DSCAM: variants seen among roughly 807,000 people sequenced by gnomAD.
DSCAM encodes DS cell adhesion molecule, also known as cell adhesion molecule DSCAM.
DSCAM carries 47 observed loss-of-function variants against 217.7 expected under a neutral mutation model. The observed-to-expected ratio is 0.22, with a 90% CI of 0.17 to 0.28. The LOEUF is 0.28. DSCAM is among the 10% of genes least tolerant of loss of function. DSCAM has a pLI of 1.00. For missense variants in DSCAM, 2,080 were observed against 2,618.3 expected (o/e 0.79, Z 4.49); for synonymous variants, 1,056 against 1,015.3 (o/e 1.04, Z -0.76).
chr21:40,196,649 C>A (rs1032372901), intron 11 of DSCAM, among the ~76,000 whole-genome samples: 1 of 151,706 alleles, frequency 6.6e-6, no homozygotes, highest in Non-Finnish European at 1.5e-5. Flanking sequence ...TTTTTCCCTT[C>A]CTTCCTTCTT....
intron 3 of DSCAM, among the ~76,000 whole-genome samples, chr21:40,670,938 C>A (rs1161028033): frequency 6.6e-6 from 1 of 152,160 alleles, no homozygotes; most frequent in African/African-American, 2.4e-5. Context: ...TGTCATATAA[C>A]TTGTACAAGA....
At chr21:40,149,642 TCAC>T (rs2090401800) in intron 16 of DSCAM, among the ~76,000 whole-genome samples, 1 of 144,216 alleles carries the variant, frequency 6.9e-6, no homozygotes, top group Non-Finnish European at 1.5e-5. Context: ...ACCGTCACTA[TCAC>T]CACCACCATC....
At chr21:40,649,816 C>T (rs2089991882) in intron 3 of DSCAM, among the ~76,000 whole-genome samples, 2 of 152,226 alleles carry the variant, frequency 1.3e-5, no homozygotes, top group Non-Finnish European at 1.5e-5. Context: ...GATTGGATGG[C>T]ACCAGCTCCT....
chr21:40,526,956 T>C (rs915872530), intron 3 of DSCAM, among the ~76,000 whole-genome samples: 3 of 152,106 alleles, frequency 2.0e-5, no homozygotes, highest in Admixed American at 2.0e-4. Flanking sequence ...TGGCCTGTGT[T>C]CCTGAGCCCC....
At chr21:40,768,396 C>T (rs969889520) in intron 1 of DSCAM, among the ~76,000 whole-genome samples, 1 of 151,096 alleles carries the variant, frequency 6.6e-6, no homozygotes, top group South Asian at 2.1e-4. Context: ...GTCCTGCATG[C>T]TAATCCAAGT....
At chr21:40,553,099 A>C (rs1161639162) in intron 3 of DSCAM, among the ~76,000 whole-genome samples, 1 of 152,250 alleles carries the variant, frequency 6.6e-6, no homozygotes, top group Non-Finnish European at 1.5e-5. Context: ...ACCGTTTAAC[A>C]ATCAGCTAGG....
intron 1 of DSCAM, among the ~76,000 whole-genome samples, chr21:40,753,437 A>G (rs2091247207): frequency 6.6e-6 from 1 of 152,234 alleles, no homozygotes; most frequent in Non-Finnish European, 1.5e-5. Context: ...GGGAGAAGGG[A>G]GTGAGTAAAT....
At chr21:40,728,990 A>G (rs899003866) in intron 1 of DSCAM, among the ~76,000 whole-genome samples, 6 of 152,214 alleles carry the variant, frequency 3.9e-5, no homozygotes, top group Admixed American at 1.3e-4. Context: ...CTCCACTGAC[A>G]TGGGTCGCTA....
chr21:40,810,992 T>C (rs1355996488), intron 1 of DSCAM, among the ~76,000 whole-genome samples: 1 of 152,350 alleles, frequency 6.6e-6, no homozygotes, highest in Admixed American at 6.5e-5. Flanking sequence ...GATGGGGACA[T>C]TGTATAGGAG....
Position 40,085,754 on chromosome 21 carries a change from G to T in DSCAM, c.3980C>A (p.Pro1327His). ...VKWMKDSNGT[P>H]SLVTIDGRRS... ...CCGCCCATCAATCGTTACTAGACTG[G>T]GTGTCCCGTTACTGCCTCACAGGAA... The change falls in exon 23 of 33, where the codon CCC becomes CAC. Residue 1327 changes from proline to histidine, a missense_variant. This residue lies in a region of DSCAM where 1,144 missense variants were observed against 1,421.1 expected (regional missense o/e 0.81). Transcript: ENST00000400454. The T allele has an allele frequency of 6.6e-7, 1 of 1,512,756 alleles. No homozygotes were observed. Among genetic ancestry groups the T allele is most frequent in the Non-Finnish European group, 9.0e-7 (1 of 1,113,966 alleles). The allele number at this position is 1,512,756 out of a possible 1,614,324, so 93.7% of individuals were successfully genotyped here.
chr21:40,524,052 G>A (rs1471389292), intron 3 of DSCAM, among the ~76,000 whole-genome samples: 4 of 152,032 alleles, frequency 2.6e-5, no homozygotes, highest in African/African-American at 4.8e-5. Flanking sequence ...AAAGAAATTC[G>A]GCTTATAACA....
At chr21:40,341,279 A>G (rs748850476) in intron 6 of DSCAM, among the ~76,000 whole-genome samples, 6 of 152,220 alleles carry the variant, frequency 3.9e-5, no homozygotes. Flanking sequence ...TTCATTGTCC[A>G]TGATCAGTCA....
chr21:40,617,825 A>G (rs1247552064), intron 3 of DSCAM, among the ~76,000 whole-genome samples: 1 of 152,220 alleles, frequency 6.6e-6, no homozygotes, highest in African/African-American at 2.4e-5. Flanking sequence ...ACATCTAGAA[A>G]TAGAGACTCT....
chr21:40,219,571 T>G (rs1195262040), intron 11 of DSCAM, among the ~76,000 whole-genome samples: 1 of 152,234 alleles, frequency 6.6e-6, no homozygotes, highest in East Asian at 1.9e-4. Context: ...TAACTTTTAT[T>G]TCTTTGGTAT....
intron 1 of DSCAM, among the ~76,000 whole-genome samples, chr21:40,717,473 A>G (rs950027353): frequency 6.6e-6 from 1 of 152,262 alleles, no homozygotes; most frequent in Non-Finnish European, 1.5e-5. Context: ...AATGCGGCTT[A>G]GCCTTACAAT....
At chr21:40,376,642 A>C (rs1310419824) in intron 3 of DSCAM, among the ~76,000 whole-genome samples, 2 of 143,750 alleles carry the variant, frequency 1.4e-5, no homozygotes, top group African/African-American at 2.6e-5. Context: ...TATCTTATAT[A>C]GATATCGATA....
At chr21:40,398,910 G>C (rs759452293) in intron 3 of DSCAM, among the ~76,000 whole-genome samples, 1 of 152,142 alleles carries the variant, frequency 6.6e-6, no homozygotes, top group South Asian at 2.1e-4. Flanking sequence ...TCTAAGAAGA[G>C]GCAATATTGT....
intron 11 of DSCAM, among the ~76,000 whole-genome samples, chr21:40,227,444 G>A (rs886648157): frequency 4.6e-5 from 7 of 152,180 alleles, no homozygotes; most frequent in African/African-American, 1.7e-4. Flanking sequence ...GAGGCTGATA[G>A]GAAATGCTAC....
chr21:40,017,622 G>A (rs796716139), intron 32 of DSCAM, among the ~76,000 whole-genome samples: 12 of 151,502 alleles, frequency 7.9e-5, no homozygotes, highest in African/African-American at 2.4e-4. Context: ...AGTGCAACTC[G>A]GTTCGCCACA....
Sources: allele counts gnomAD v4.1 joint callset (sites outside exome capture counted in the v4.1 genomes callset), GRCh38; gene constraint gnomAD v4.1.1; regional missense constraint gnomAD v4.1.1; transcripts MANE v1.5; gene names NCBI Gene and HGNC (gene_info 2026-07-23, HGNC 2026-07-21).